The following GRIK2 variants were observed in gnomAD, a reference collection of about 807,000 sequenced individuals.
The protein encoded by GRIK2 is glutamate receptor ionotropic, kainate 2.
A neutral mutation model predicts 100.3 loss-of-function variants in GRIK2; 32 were observed. That is an observed-to-expected ratio of 0.32 (90% CI 0.24 to 0.43). The LOEUF is 0.43. GRIK2 is among the 20% of genes least tolerant of loss of function. The pLI is 1.00. For missense variants in GRIK2, 843 were observed against 1,114.9 expected (o/e 0.76, Z 3.47); for synonymous variants, 417 against 389.4 (o/e 1.07, Z -0.83).
chr6:101,572,536 T>C (rs1166511636), intron 2 of GRIK2, among the ~76,000 whole-genome samples: 2 of 152,230 alleles, frequency 1.3e-5, no homozygotes, highest in East Asian at 3.9e-4. Flanking sequence ...TAGGAAATGC[T>C]TTGCCATCAC....
At chr6:101,704,214 A>G (rs902151347) in intron 7 of GRIK2, among the ~76,000 whole-genome samples, 3 of 151,732 alleles carry the variant, frequency 2.0e-5, no homozygotes, top group Non-Finnish European at 4.4e-5. Flanking sequence ...CTAAGAGACC[A>G]TGATGGAGAA....
chr6:101,453,811 T>C (rs746930901), intron 2 of GRIK2, among the ~76,000 whole-genome samples: 62 of 152,208 alleles, frequency 4.1e-4, no homozygotes, highest in Non-Finnish European at 1.6e-4. Flanking sequence ...TTATCACATA[T>C]ACAATATATT....
chr6:101,618,859 G>C (rs1780017522), intron 2 of GRIK2, among the ~76,000 whole-genome samples: 1 of 150,896 alleles, frequency 6.6e-6, no homozygotes. Flanking sequence ...TCTTTTTCCT[G>C]ACCTTAATGG....
chr6:101,645,441 ATC>A (rs1374256148), intron 4 of GRIK2, among the ~76,000 whole-genome samples: 1 of 151,858 alleles, frequency 6.6e-6, no homozygotes, highest in African/African-American at 2.4e-5. Context: ...GTTGTTTTGA[ATC>A]TCATATGAGA....
chr6:101,948,307 G>C (rs764333071), intron 14 of GRIK2, among the ~76,000 whole-genome samples: 1 of 150,752 alleles, frequency 6.6e-6, no homozygotes, highest in Non-Finnish European at 1.5e-5. Context: ...AAGAATCTTA[G>C]AACTGTCTTT....
chr6:101,683,198 C>T (rs1341300597), intron 6 of GRIK2, among the ~76,000 whole-genome samples: 1 of 143,806 alleles, frequency 7.0e-6, no homozygotes, highest in Admixed American at 7.1e-5. Context: ...TAGACTCCAT[C>T]TAGAAAAAAA....
intron 2 of GRIK2, among the ~76,000 whole-genome samples, chr6:101,574,995 A>G (rs1289403984): frequency 6.6e-6 from 1 of 151,824 alleles, no homozygotes; most frequent in Non-Finnish European, 1.5e-5. Flanking sequence ...TCAAATGCAA[A>G]TATGTTGCAC....
intron 7 of GRIK2, among the ~76,000 whole-genome samples, chr6:101,709,713 A>G (rs557136155): frequency 6.6e-6 from 1 of 151,946 alleles, no homozygotes; most frequent in Admixed American, 6.6e-5. Context: ...CTCCCAGCCA[A>G]ATAACTGGGC....
At chr6:102,019,587 A>T (rs1769316302) in intron 14 of GRIK2, among the ~76,000 whole-genome samples, 1 of 151,982 alleles carries the variant, frequency 6.6e-6, no homozygotes, top group Non-Finnish European at 1.5e-5. Context: ...TCCTAACTGT[A>T]TGAGGTACAA....
chr6:101,567,711 T>G (rs1367806793), intron 2 of GRIK2, among the ~76,000 whole-genome samples: 1 of 151,956 alleles, frequency 6.6e-6, no homozygotes, highest in East Asian at 1.9e-4. Flanking sequence ...CTTCTGTTTC[T>G]TAGAGAGGTA....
chr6:101,653,997 C>A (rs1781940679), intron 4 of GRIK2, among the ~76,000 whole-genome samples: 2 of 152,166 alleles, frequency 1.3e-5, no homozygotes, highest in Non-Finnish European at 2.9e-5. Flanking sequence ...TAATGTACCA[C>A]AACTGATGGT....
intron 10 of GRIK2, among the ~76,000 whole-genome samples, chr6:101,819,365 T>C (rs1297924508): frequency 6.6e-6 from 1 of 152,208 alleles, no homozygotes; most frequent in Non-Finnish European, 1.5e-5. Context: ...GAATATATAT[T>C]CTTGCCCCTT....
At chr6:101,799,463 G>C (rs570025857) in intron 7 of GRIK2, among the ~76,000 whole-genome samples, 185 bp from the exon 8 acceptor site, 1 of 152,182 alleles carries the variant, frequency 6.6e-6, no homozygotes, top group East Asian at 1.9e-4. Flanking sequence ...AGCTGATGTA[G>C]TAATTTGATC....
At chr6:101,657,656 T>G (rs942299216) in intron 4 of GRIK2, among the ~76,000 whole-genome samples, 1 of 152,296 alleles carries the variant, frequency 6.6e-6, no homozygotes, top group African/African-American at 2.4e-5. Context: ...TCCTGTTATA[T>G]TCCAGTCTTA....
intron 2 of GRIK2, among the ~76,000 whole-genome samples, chr6:101,463,130 A>G (rs568279313): frequency 6.6e-6 from 1 of 152,330 alleles, no homozygotes; most frequent in East Asian, 1.9e-4. Context: ...AAGTGGAGCA[A>G]TATGACAAAT....
intron 15 of GRIK2, among the ~76,000 whole-genome samples, chr6:102,045,235 G>GTGTT (rs1307210722): frequency 2.0e-5 from 3 of 152,058 alleles, no homozygotes; most frequent in Non-Finnish European, 1.5e-5. Context: ...ACAAGGTAAT[G>GTGTT]TGTTACAGAA....
At chr6:101,610,851 T>C (rs936720463) in intron 2 of GRIK2, among the ~76,000 whole-genome samples, 1 of 151,800 alleles carries the variant, frequency 6.6e-6, no homozygotes, top group African/African-American at 2.4e-5. Context: ...TTTATACTGT[T>C]TATATTATAA....
At chr6:101,564,790 G>C (rs9498621) in intron 2 of GRIK2, among the ~76,000 whole-genome samples, 43,781 of 151,876 alleles carry the variant, frequency 0.29, 6,661 homozygotes, top group East Asian at 0.43. Flanking sequence ...TCCTCTTGGT[G>C]CAAAGTAACA....
intron 7 of GRIK2, among the ~76,000 whole-genome samples, chr6:101,709,001 A>G (rs1015352024): frequency 3.3e-5 from 5 of 151,814 alleles, no homozygotes; most frequent in Non-Finnish European, 5.9e-5. Context: ...TACCCCATAA[A>G]TATATTGACC....
Sources: allele counts gnomAD v4.1 joint callset (sites outside exome capture counted in the v4.1 genomes callset), GRCh38; gene constraint gnomAD v4.1.1; transcripts MANE v1.5; gene names NCBI Gene and HGNC (gene_info 2026-07-23, HGNC 2026-07-21).